Variants in PSKH2 observed in about 807,000 individuals in gnomAD.
PSKH2 encodes serine/threonine-protein kinase H2.
In PSKH2, 16 loss-of-function variants were observed where a neutral mutation model predicts 22.5. The observed-to-expected ratio is 0.71, with a 90% CI of 0.48 to 1.08. The LOEUF (loss-of-function observed/expected upper bound fraction) is 1.08, where lower values mean the gene tolerates loss of function less well. Ranked by LOEUF, PSKH2 falls within the 50% of genes least tolerant of loss-of-function variation. PSKH2 has a pLI of 0.00. For synonymous variants in PSKH2, 188 were observed against 184.8 expected, an observed-to-expected ratio of 1.02 and a Z score of -0.14; for missense variants, 516 against 492.8, an observed-to-expected ratio of 1.05 and a Z score of -0.44.
chr8:86,063,875 A>G, intron 2 of PSKH2, 90 bp downstream of exon 2: 1 of 1,067,258 alleles, frequency 9.4e-7, no homozygotes, highest in Admixed American at 2.5e-5. Context: ...GACAACCCCA[A>G]AAATCATCCA....
At chr8:86,060,910 C>A (rs1256269571) in intron 2 of PSKH2, among the ~76,000 whole-genome samples, 1 of 152,122 alleles carries the variant, frequency 6.6e-6, no homozygotes, top group Non-Finnish European at 1.5e-5. Flanking sequence ...AGACCCTGGG[C>A]CCCTCTTTCC....
Position 86,064,011 on chromosome 8 carries a change from C to T in PSKH2, c.806G>A (p.Arg269Lys). 6.2e-7 allele frequency: 1 copy of T among 1,613,888 alleles called. No homozygotes were observed. The highest frequency in any genetic ancestry group is 8.5e-7 in the Non-Finnish European group (1 of 1,179,942). Residue 269 changes from arginine to lysine, a missense_variant, in exon 2 of 3, where the codon AGG (arginine) becomes AAG (lysine). By Grantham distance (26) the Arg-to-Lys change is conservative (BLOSUM62 2). Coordinates refer to ENST00000276616, the MANE Select transcript of PSKH2 (RefSeq NM_033126.3). ...GCCTTTCAGAATCTTCCTGTAAAGC[C>T]TTGTCTGGCTTTCATCATCAAAAGG... ...FLPFDDESQT[R>K]LYRKILKGKY...
At position 86,048,675 on chromosome 8, in the gene PSKH2, C is replaced by CAGGG. The variant is rs1817567136; in HGVS notation, c.941_944dup (p.Asp316ProfsTer44). The CAGGG allele has an allele frequency of 6.2e-7, 1 of 1,614,126 alleles. No homozygotes were observed. Among genetic ancestry groups the CAGGG allele is most frequent in the Non-Finnish European group, 8.5e-7 (1 of 1,180,038 alleles). ...CCATGGTGATCACCCAGGGATGGTC[C>CAGGG]AGGGCCTGGCCAGCTGACATGCGAT... is the stretch of plus-strand genomic sequence containing the variant. On this transcript the variant is annotated frameshift_variant, in exon 3 of 3. Transcript: ENST00000276616. LOFTEE classifies it low-confidence loss of function (END_TRUNC).
intron 2 of PSKH2, 123 bp from the exon 3 acceptor site, chr8:86,048,890 A>G (rs772047134): frequency 1.1e-5 from 9 of 836,214 alleles, no homozygotes; most frequent in African/African-American, 1.7e-5. Context: ...TTTTTCAAAT[A>G]AGCAGTTTTA....
At chr8:86,052,399 T>G (rs1274132726) in intron 2 of PSKH2, among the ~76,000 whole-genome samples, 3 of 152,182 alleles carry the variant, frequency 2.0e-5, no homozygotes, top group African/African-American at 7.2e-5. Flanking sequence ...ATGAAGTCCT[T>G]GGATCTGGAC....
rs1817564246 is a variant in PSKH2 at position 86,048,589 on chromosome 8, G to A, written c.1031C>T (p.Ala344Val). 2 of 1,613,994 alleles carry A rather than the reference G, an allele frequency of 1.2e-6. No homozygotes were observed. The highest frequency in any genetic ancestry group is 2.7e-5 in the African/African-American group (2 of 74,914). Residue 344 changes from alanine (A) to valine (V), a missense_variant, in exon 3 of 3, where the codon GCC becomes GTC. By Grantham distance (64) the Ala-to-Val change is moderately conservative. Transcript: ENST00000276616. ...TCCAGGACTCTGAGAGTGGGGAGAG[G>A]CCCTCTGCATGAGGTTTCGGGATAT... ...RAISRNLMQR[A>V]SPHSQSPGSA...
Position 86,064,301 on chromosome 8 carries a change from C to G in PSKH2, c.516G>C (p.Arg172Ser), listed in dbSNP as rs746505416. 9.9e-6 allele frequency: 16 copies of G among 1,614,068 alleles called. No individual in the cohort carries two copies. Among genetic ancestry groups the G allele is most frequent in the Middle Eastern group, 1.6e-4 (1 of 6,062 alleles). Residue 172 changes from arginine (R) to serine (S), a missense_variant, in exon 2 of 3, where the codon AGG (arginine) becomes AGC (serine). Physicochemically the swap from Arg to Ser is moderately radical, Grantham distance 110. Coordinates refer to ENST00000276616, the MANE Select transcript of PSKH2 (RefSeq NM_033126.3). ...GAGTTATCTGCAGCGCATGCAAATA[C>G]CTAATCCCATCAGCAACCATCTGGA... ...RILQMVADGI[R>S]YLHALQITHR...
intron 1 of PSKH2, among the ~76,000 whole-genome samples, chr8:86,067,297 G>A (rs185926107): frequency 1.3e-3 from 201 of 151,900 alleles, no homozygotes; most frequent in African/African-American, 4.7e-3. Flanking sequence ...TTGCTCGTGA[G>A]TCCTCAACTG....
At chr8:86,049,327 GGAA>G (rs1817576592) in intron 2 of PSKH2, among the ~76,000 whole-genome samples, 1 of 152,084 alleles carries the variant, frequency 6.6e-6, no homozygotes, top group African/African-American at 2.4e-5. Flanking sequence ...GGGAGGTTGA[GGAA>G]GAAGGATCGT....
intron 1 of PSKH2, among the ~76,000 whole-genome samples, chr8:86,067,022 T>G (rs1817874961): frequency 6.6e-6 from 1 of 152,192 alleles, no homozygotes; most frequent in Non-Finnish European, 1.5e-5. Context: ...CGCTATGCCC[T>G]CAAAGCTGCC....
At chr8:86,055,842 G>C (rs1346097919) in intron 2 of PSKH2, among the ~76,000 whole-genome samples, 2 of 152,144 alleles carry the variant, frequency 1.3e-5, no homozygotes, top group Non-Finnish European at 2.9e-5. Flanking sequence ...AAACAGACAT[G>C]TTACTTCTAA....
At chr8:86,063,352 A>G (rs1189919211) in intron 2 of PSKH2, among the ~76,000 whole-genome samples, 1 of 152,172 alleles carries the variant, frequency 6.6e-6, no homozygotes. Flanking sequence ...TCCCACACAC[A>G]AGCATTGGCA....
intron 1 of PSKH2, among the ~76,000 whole-genome samples, chr8:86,065,798 C>T (rs976436836): frequency 6.6e-6 from 1 of 151,944 alleles, no homozygotes; most frequent in South Asian, 2.1e-4. Context: ...AAAACTGAGA[C>T]CCCTTCTCTA....
intron 2 of PSKH2, among the ~76,000 whole-genome samples, chr8:86,050,139 G>T (rs898821843): frequency 2.6e-5 from 4 of 152,286 alleles, no homozygotes; most frequent in African/African-American, 9.6e-5. Context: ...CTTCATAGTG[G>T]CATTTCTGAG....
intron 2 of PSKH2, among the ~76,000 whole-genome samples, chr8:86,049,566 A>G (rs1817580992): frequency 7.2e-6 from 1 of 139,860 alleles, no homozygotes; most frequent in African/African-American, 2.6e-5. Flanking sequence ...CTCTAAAAAG[A>G]AAGAAAGAGG....
Position 86,067,095 on chromosome 8 carries a change from C to T in PSKH2, c.185+2343G>A, listed in dbSNP as rs1451372270. Among the ~76,000 whole-genome samples the T allele has an allele frequency of 2.6e-5, 4 of 152,130 alleles. No individual in the cohort carries two copies. The East Asian group carries it at 7.7e-4, about 29-fold the overall frequency. ...CAAACTACCATTTCTGAGAACTACACGCTTTTGCTCAAATAAAAGAAGCTT... is the reference window on the plus strand; with the variant it reads ...CAAACTACCATTTCTGAGAACTACATGCTTTTGCTCAAATAAAAGAAGCTT... On this transcript the variant is annotated intron_variant, in intron 1 of 2. Transcript: ENST00000276616.
At chr8:86,063,617 GGA>G (rs1817808303) in intron 2 of PSKH2, among the ~76,000 whole-genome samples, 1 of 152,182 alleles carries the variant, frequency 6.6e-6, no homozygotes, top group Non-Finnish European at 1.5e-5. Context: ...TGCACAGATT[GGA>G]GAAAAAAACT....
intron 2 of PSKH2, among the ~76,000 whole-genome samples, chr8:86,052,398 T>G (rs1203324385): frequency 6.6e-6 from 1 of 152,206 alleles, no homozygotes; most frequent in Non-Finnish European, 1.5e-5. Context: ...CATGAAGTCC[T>G]TGGATCTGGA....
At position 86,069,623 on chromosome 8, in the gene PSKH2, A is replaced by G; in HGVS notation, c.-1T>C. 9.2e-6 allele frequency: 14 copies of G among 1,524,128 alleles called. No homozygotes were observed. Among genetic ancestry groups the G allele is most frequent in the Non-Finnish European group, 1.2e-5 (14 of 1,141,212 alleles). 94.4% of individuals were successfully genotyped at this position (1,524,128 alleles called of 1,614,324 possible). A position where few individuals can be genotyped will look rare whatever the true frequency, so the allele number is the denominator to read the frequency against. On this transcript the variant is annotated 5_prime_UTR_variant, in exon 1 of 3. Coordinates refer to ENST00000276616, the MANE Select transcript of PSKH2 (RefSeq NM_033126.3). ...CCTTCCTGCTGGCGCCGCACCCCATACCCGCAACACGCCCGCCGCTCGCGG... is the reference window on the plus strand; with the variant it reads ...CCTTCCTGCTGGCGCCGCACCCCATGCCCGCAACACGCCCGCCGCTCGCGG...
Sources: allele counts gnomAD v4.1 joint callset (sites outside exome capture counted in the v4.1 genomes callset), GRCh38; gene constraint gnomAD v4.1.1; transcripts MANE v1.5; gene names NCBI Gene and HGNC (gene_info 2026-07-23, HGNC 2026-07-21).